The following RAD51B variants were observed in gnomAD, a reference collection of about 807,000 sequenced individuals.
RAD51B encodes RAD51 paralog B, also known as DNA repair protein RAD51 homolog 2.
A neutral mutation model predicts 42.2 loss-of-function variants in RAD51B; 38 were observed. The ratio of observed to expected loss-of-function variants is 0.90; its 90% confidence interval spans 0.70 to 1.18. The LOEUF is 1.18. Among genes scored for constraint, RAD51B ranks in the 50% most tolerant of loss-of-function variants. The pLI is 0.00. For synonymous variants in RAD51B, 154 were observed against 145.2 expected, an observed-to-expected ratio of 1.06 and a Z score of -0.43; for missense variants, 373 against 400.7, an observed-to-expected ratio of 0.93 and a Z score of 0.59.
At chr14:67,923,424 C>A (rs902132744) in intron 7 of RAD51B, among the ~76,000 whole-genome samples, 1 of 151,774 alleles carries the variant, frequency 6.6e-6, no homozygotes, top group Admixed American at 6.6e-5. Context: ...CTCAGCCTCC[C>A]AAGTAGCTGG....
chr14:68,411,338 C>T, intron 8 of RAD51B, 86 bp from the exon 9 acceptor site: 1 of 1,109,640 alleles, frequency 9.0e-7, no homozygotes, highest in Non-Finnish European at 1.4e-6. Context: ...CTCTGGACTA[C>T]TGGCAATGAG....
chr14:68,439,186 A>ACT (rs71129886), intron 9 of RAD51B, among the ~76,000 whole-genome samples: 12 of 42,302 alleles, frequency 2.8e-4, no homozygotes, highest in South Asian at 7.4e-4. Flanking sequence ...ACACACACAC[A>ACT]CTCTCTCACA....
At chr14:68,025,886 T>A (rs1595277933) in intron 7 of RAD51B, among the ~76,000 whole-genome samples, 2 of 152,108 alleles carry the variant, frequency 1.3e-5, no homozygotes, top group Non-Finnish European at 2.9e-5. Flanking sequence ...TAATTTTAGT[T>A]ATTTCTTTTT....
chr14:68,022,072 T>C (rs2075876850), intron 7 of RAD51B, among the ~76,000 whole-genome samples: 1 of 152,226 alleles, frequency 6.6e-6, no homozygotes, highest in Non-Finnish European at 1.5e-5. Context: ...TTTCAACCTA[T>C]ACTCCTCTCC....
intron 7 of RAD51B, among the ~76,000 whole-genome samples, chr14:68,028,534 G>A (rs369652999): frequency 2.0e-5 from 3 of 152,138 alleles, no homozygotes; most frequent in African/African-American, 7.2e-5. Flanking sequence ...TGGCACTCCC[G>A]AGCTGTCCAC....
At chr14:68,504,671 T>TC (rs1307850127) in intron 10 of RAD51B, among the ~76,000 whole-genome samples, 3 of 106,032 alleles carry the variant, frequency 2.8e-5, no homozygotes, top group African/African-American at 1.1e-4. Flanking sequence ...TCTTTTTTTT[T>TC]TTTTTTTTTT....
intron 7 of RAD51B, among the ~76,000 whole-genome samples, chr14:67,898,981 G>A (rs1372926007): frequency 1.3e-5 from 2 of 151,820 alleles, no homozygotes; most frequent in Non-Finnish European, 2.9e-5. Flanking sequence ...TTTGACTTCT[G>A]TTTATCTTTG....
chr14:68,430,871 G>T (rs1308546501), intron 9 of RAD51B, among the ~76,000 whole-genome samples: 1 of 152,026 alleles, frequency 6.6e-6, no homozygotes, highest in Non-Finnish European at 1.5e-5. Flanking sequence ...CATTCAGTAT[G>T]ATATTGGCTG....
intron 7 of RAD51B, among the ~76,000 whole-genome samples, chr14:68,160,866 A>G (rs2078625202): frequency 1.3e-5 from 2 of 152,188 alleles, no homozygotes; most frequent in African/African-American, 4.8e-5. Context: ...AGTGCTTTTC[A>G]TTGGCTTGAT....
rs1162020540 is a variant in RAD51B at position 68,072,122 on chromosome 14, A to AAT, written c.756+184928_756+184929dup. Among the ~76,000 whole-genome samples, 372 of 122,442 alleles carry AAT rather than the reference A, an allele frequency of 3.0e-3. 11 individuals are homozygous for AAT. The highest frequency in any genetic ancestry group is 0.011 in the African/African-American group (347 of 30,286). 80.3% of individuals were successfully genotyped at this position (122,442 alleles called of 152,430 possible). ...TATATAAAATATAAAAAATATATAA[A>AAT]ATATATATATAATTATATATATATT... On this transcript the variant is annotated intron_variant, in intron 7 of 10. Transcript: ENST00000471583.
intron 10 of RAD51B, among the ~76,000 whole-genome samples, chr14:68,476,594 A>G (rs1882632314): frequency 6.6e-6 from 1 of 152,236 alleles, no homozygotes; most frequent in South Asian, 2.1e-4. Context: ...ACAAACTTCA[A>G]GGATAACAGA....
chr14:68,296,178 C>T (rs1270868146), intron 8 of RAD51B, among the ~76,000 whole-genome samples: 1 of 152,200 alleles, frequency 6.6e-6, no homozygotes, highest in Non-Finnish European at 1.5e-5. Context: ...TTCTGATCTT[C>T]AGGCCCTCCT....
intron 7 of RAD51B, among the ~76,000 whole-genome samples, chr14:68,042,093 T>C (rs1211506659): frequency 1.3e-5 from 2 of 152,228 alleles, no homozygotes. Context: ...ATGAGTATAC[T>C]GTCTGTGTGA....
intron 7 of RAD51B, among the ~76,000 whole-genome samples, chr14:68,130,433 A>G (rs1228389209): frequency 6.6e-6 from 1 of 152,250 alleles, no homozygotes; most frequent in African/African-American, 2.4e-5. Context: ...ATTCACCAAG[A>G]TGAAAACCAA....
rs189988217 is a variant in RAD51B at position 68,286,244 on chromosome 14, T to A, written c.757-5640T>A. On this transcript the variant is annotated intron_variant, in intron 7 of 10. Transcript: ENST00000471583. ...GCCCTTATCTCATCTGTACTATTGG[T>A]CTTAGGTGACTCCAGTTCACTTGGT... 3.9e-5 allele frequency among the ~76,000 whole-genome samples: 6 copies of A among 152,262 alleles called. No individual in the cohort carries two copies. The East Asian group carries it at 1.2e-3, about 29-fold the overall frequency.
intron 7 of RAD51B, among the ~76,000 whole-genome samples, chr14:68,026,444 G>A (rs1383648173): frequency 2.0e-5 from 3 of 151,742 alleles, no homozygotes; most frequent in East Asian, 1.9e-4. Flanking sequence ...TGTCAGTGGG[G>A]CATTGAAGTC....
At chr14:68,049,634 A>G (rs1211049816) in intron 7 of RAD51B, among the ~76,000 whole-genome samples, 1 of 152,180 alleles carries the variant, frequency 6.6e-6, no homozygotes, top group African/African-American at 2.4e-5. Context: ...CTTGGAATTA[A>G]GACTTTGAGA....
At chr14:68,239,151 G>A (rs2080329958) in intron 7 of RAD51B, among the ~76,000 whole-genome samples, 1 of 152,180 alleles carries the variant, frequency 6.6e-6, no homozygotes, top group South Asian at 2.1e-4. Flanking sequence ...TAAGACAACT[G>A]TTATCTGAGG....
intron 4 of RAD51B, among the ~76,000 whole-genome samples, chr14:67,852,134 C>G (rs2041834882): frequency 6.6e-6 from 1 of 152,226 alleles, no homozygotes; most frequent in South Asian, 2.1e-4. Context: ...GGAGCTCTGA[C>G]CCAGTGAAAT....
Sources: gnomAD v4.1 joint callset for allele counts (sites outside exome capture counted in the v4.1 genomes callset) on GRCh38, gnomAD v4.1.1 for gene constraint, MANE v1.5 for transcripts, NCBI Gene and HGNC (gene_info 2026-07-23, HGNC 2026-07-21) for gene names.